The following PAX2 variants were observed in gnomAD, a reference collection of about 807,000 sequenced individuals.
The protein encoded by PAX2 is paired box protein Pax-2.
Under a neutral mutation model 41.7 loss-of-function variants are expected in PAX2, and 9 were observed. The ratio of observed to expected loss-of-function variants is 0.22; its 90% CI spans 0.13 to 0.38. The LOEUF (loss-of-function observed/expected upper bound fraction) is 0.38, where lower values mean the gene tolerates loss of function less well. Ranked by LOEUF, PAX2 falls within the 10% of genes least tolerant of loss-of-function variation. The probability of loss-of-function intolerance (pLI) is 1.00; values close to 1 mark genes in which losing one functional copy is unlikely to be tolerated. For synonymous variants in PAX2, 221 were observed against 212.7 expected (o/e 1.04, Z -0.34); for missense variants, 418 against 531.6 (o/e 0.79, Z 2.10).
At chr10:100,760,215 G>A (rs1385555812) in intron 3 of PAX2, among the ~76,000 whole-genome samples, 6 of 152,172 alleles carry the variant, frequency 3.9e-5, no homozygotes, top group Non-Finnish European at 1.5e-5. Context: ...TGGCTCCCAG[G>A]GAACTCTCGA....
At chr10:100,782,847 G>T (rs980081822) in intron 5 of PAX2, among the ~76,000 whole-genome samples, 19 of 152,356 alleles carry the variant, frequency 1.2e-4, no homozygotes, top group Non-Finnish European at 2.2e-4. Context: ...CTCAGGCCTT[G>T]GCCAAGCTCC....
At chr10:100,743,423 GA>G (rs1386618834), upstream of PAX2, among the ~76,000 whole-genome samples, 11 of 120,958 alleles carry the variant, frequency 9.1e-5, no homozygotes, top group African/African-American at 2.6e-4. Flanking sequence ...TGTCTGTGTG[GA>G]AGGGGGGGGG....
chr10:100,741,320 A>G (rs924912061), upstream of PAX2, among the ~76,000 whole-genome samples: 1 of 147,196 alleles, frequency 6.8e-6, no homozygotes, highest in African/African-American at 2.5e-5. Context: ...GTCTTAGATG[A>G]AAAAAAAAAG....
chr10:100,800,039 G>A (rs1254275491), intron 5 of PAX2, among the ~76,000 whole-genome samples: 1 of 151,874 alleles, frequency 6.6e-6, no homozygotes, highest in Non-Finnish European at 1.5e-5. Flanking sequence ...CCTGCCTCAA[G>A]CCTCCCAAGG....
At chr10:100,735,973 T>G in intron 1 of PAX2, among the ~76,000 whole-genome samples, 1 of 152,244 alleles carries the variant, frequency 6.6e-6, no homozygotes. Flanking sequence ...ACAACTTCGC[T>G]TGCAGAACTT....
intron 3 of PAX2, among the ~76,000 whole-genome samples, chr10:100,751,291 A>G (rs915656195): frequency 6.6e-6 from 1 of 152,102 alleles, no homozygotes; most frequent in Non-Finnish European, 1.5e-5. Flanking sequence ...CTCCTTCCCC[A>G]GGGGCCGCCG....
chr10:100,748,672 G>T lies in PAX2; in HGVS notation c.44-1074G>T, dbSNP rs547539415. 278 of 985,340 alleles carry T rather than the reference G, an allele frequency of 2.8e-4. No individual in the cohort carries two copies. The highest frequency in any genetic ancestry group is 3.2e-4 in the Non-Finnish European group (265 of 829,938). 61.0% of individuals were successfully genotyped at this position (985,340 alleles called of 1,614,324 possible). ...GGCACAGGAAGCACCCTCAGGCCTGGCACCCAGTGGCCGCCTCGGTTCCGA... is the reference window on the plus strand; with the variant it reads ...GGCACAGGAAGCACCCTCAGGCCTGTCACCCAGTGGCCGCCTCGGTTCCGA... On this transcript the variant is annotated intron_variant, in intron 1 of 9. Coordinates refer to ENST00000355243, the MANE Select transcript of PAX2 (RefSeq NM_000278.5). This position sits in a 1 kb window ranked among gnomAD's most constrained non-coding sequence, Gnocchi z 5.0.
exon 1 of PAX2, chr10:100,735,671 A>C (rs1246029138): frequency 5.7e-6 from 6 of 1,058,942 alleles, no homozygotes; most frequent in East Asian, 1.0e-4. Flanking sequence ...GGACAGCCAG[A>C]CCCAGCCCCA....
chr10:100,781,281 T>C lies in PAX2; in HGVS notation c.532T>C (p.Ser178Pro). 6.2e-7 allele frequency: 1 copy of C among 1,613,646 alleles called. No homozygotes were observed. Among genetic ancestry groups the C allele is most frequent in the South Asian group, 1.1e-5 (1 of 91,066 alleles). Residue 178 changes from serine (S) to proline (P), a missense_variant, in exon 5 of 10, where the codon TCC becomes CCC. Physicochemically the swap from Ser to Pro is moderately conservative, Grantham distance 74. Coordinates refer to ENST00000355243, the MANE Select transcript of PAX2 (RefSeq NM_000278.5). ...GGCCTCCCCTCCTGTTTCCAGCGCCTCCAATGACCCAGTGGGATCCTACTC... is the reference window on the plus strand; with the variant it reads ...GGCCTCCCCTCCTGTTTCCAGCGCCCCCAATGACCCAGTGGGATCCTACTC... ...STASPPVSSA[S>P]NDPVGSYSIN...
At position 100,746,190 on chromosome 10, in the gene PAX2, A is replaced by C. The variant is rs1216354984; in HGVS notation, c.-71A>C. 6 of 1,587,236 alleles carry C rather than the reference A, an allele frequency of 3.8e-6. No individual in the cohort carries two copies. The highest frequency in any genetic ancestry group is 1.1e-5 in the South Asian group (1 of 90,202). On this transcript the variant is annotated 5_prime_UTR_variant, in exon 1 of 10. Coordinates refer to ENST00000355243, the MANE Select transcript of PAX2 (RefSeq NM_000278.5). ...CCCACCGTCCCTCCCTTTTCTCCTC[A>C]AGTCCTGAAGTTGAGTTTGAGAGGC... is the stretch of plus-strand genomic sequence containing the variant.
At chr10:100,779,956 C>G (rs1471439850) in intron 4 of PAX2, among the ~76,000 whole-genome samples, 1 of 152,086 alleles carries the variant, frequency 6.6e-6, no homozygotes, top group Non-Finnish European at 1.5e-5. Context: ...GTCTCCCTAC[C>G]TGTGCCCTCT....
chr10:100,743,660 TG>T (rs764985445), upstream of PAX2, among the ~76,000 whole-genome samples: 3 of 152,252 alleles, frequency 2.0e-5, no homozygotes, highest in Non-Finnish European at 2.9e-5. Context: ...CACTCTGGCC[TG>T]GGAGCTGTTA....
chr10:100,769,100 G>A (rs1564716758), intron 3 of PAX2, among the ~76,000 whole-genome samples: 1 of 152,202 alleles, frequency 6.6e-6, no homozygotes, highest in African/African-American at 2.4e-5. Context: ...AGCCGCATAA[G>A]TTCTAGAGTG....
intron 5 of PAX2, among the ~76,000 whole-genome samples, chr10:100,792,501 T>C (rs1847163886): frequency 6.6e-6 from 1 of 152,228 alleles, no homozygotes; most frequent in Non-Finnish European, 1.5e-5. Flanking sequence ...GGGAACTCCA[T>C]GTCTGCTCTA....
intron 7 of PAX2, among the ~76,000 whole-genome samples, chr10:100,812,613 A>G (rs1589890054): frequency 6.6e-6 from 1 of 152,202 alleles, no homozygotes; most frequent in Non-Finnish European, 1.5e-5. Flanking sequence ...AGGAGGCTTC[A>G]TTCCTTAAAG....
chr10:100,821,287 A>G (rs150858758), intron 7 of PAX2, among the ~76,000 whole-genome samples: 119 of 152,318 alleles, frequency 7.8e-4, no homozygotes, highest in African/African-American at 2.8e-3. Flanking sequence ...AGCAATTGAG[A>G]GTGCTTTGTA....
chr10:100,764,944 G>A (rs1399665392), intron 3 of PAX2, among the ~76,000 whole-genome samples: 1 of 152,116 alleles, frequency 6.6e-6, no homozygotes, highest in African/African-American at 2.4e-5. Flanking sequence ...AAGAGGAGGG[G>A]AAGAGAGGAG....
intron 7 of PAX2, among the ~76,000 whole-genome samples, chr10:100,822,208 T>C (rs2133980252): frequency 1.3e-5 from 2 of 152,326 alleles, no homozygotes; most frequent in Middle Eastern, 3.4e-3. Flanking sequence ...AGATATTGGC[T>C]ATATTAGACA....
chr10:100,749,493 C>T (rs1288690386), intron 1 of PAX2: 1 of 1,327,856 alleles, frequency 7.5e-7, no homozygotes, highest in Non-Finnish European at 9.6e-7. Context: ...TCCAGTCCCC[C>T]CTTTGCTTTC....
Sources: gnomAD v4.1 joint callset for allele counts (sites outside exome capture counted in the v4.1 genomes callset) on GRCh38, gnomAD v4.1.1 for gene constraint, Gnocchi (gnomAD v3.1) non-coding constraint, MANE v1.5 for transcripts, NCBI Gene and HGNC (gene_info 2026-07-23, HGNC 2026-07-21) for gene names.